Variants in NTSR2 observed in about 807,000 individuals in gnomAD.
NTSR2 encodes the protein neurotensin receptor type 2.
A neutral mutation model predicts 24.1 loss-of-function variants in NTSR2; 22 were observed. That is an observed-to-expected ratio of 0.91 (90% CI 0.65 to 1.30). The LOEUF (loss-of-function observed/expected upper bound fraction) is 1.30, where lower values mean the gene tolerates loss of function less well. Among genes scored for constraint, NTSR2 ranks in the 50% most tolerant of loss-of-function variants. NTSR2 has a pLI of 0.00. For missense variants in NTSR2, 570 were observed against 570.4 expected, an observed-to-expected ratio of 1.00 and a Z score of 0.01; for synonymous variants, 291 against 267.0, an observed-to-expected ratio of 1.09 and a Z score of -0.88.
intron 1 of NTSR2, 47 bp downstream of exon 1, chr2:11,669,459 C>CCGGCGG: frequency 3.0e-6 from 1 of 337,896 alleles, no homozygotes. Context: ...CTCCCAGCAC[C>CCGGCGG]GCCCCCCCAC....
chr2:11,662,098 A>C lies in NTSR2; in HGVS notation c.767T>G (p.Leu256Arg). Residue 256 changes from leucine (L) to arginine (R), a missense_variant, in exon 2 of 4, where the codon CTG becomes CGG. Transcript: ENST00000306928. ...GCTGAGGAGACCCTCCTCACTCAGC[A>C]GCTCCAGGCGGCTGGGGGTGGAGCT... ...PGSSTPSRLELLSEEGLLSFI... is the reference protein window; with the variant it reads ...PGSSTPSRLERLSEEGLLSFI... 1 of 1,613,452 alleles carries C rather than the reference A, an allele frequency of 6.2e-7. No homozygotes were observed. Among genetic ancestry groups the C allele is most frequent in the East Asian group, 2.2e-5 (1 of 44,856 alleles).
At chr2:11,663,791 T>C (rs1443973649) in intron 1 of NTSR2, among the ~76,000 whole-genome samples, 3 of 152,096 alleles carry the variant, frequency 2.0e-5, no homozygotes, top group African/African-American at 7.2e-5. Context: ...TATAAGACAG[T>C]GGATACAATT....
Position 11,669,734 on chromosome 2 carries a change from C to T in NTSR2, c.396G>A (p.Glu132=). Residue 132 remains glutamate, a synonymous_variant, in exon 1 of 4, where the codon GAG becomes GAA. Transcript: ENST00000306928. ...TVLSVAGLSA[E]RCLAVCQPLR... ...GGGGCTGGCACACGGCTAGGCAGCG[C>T]TCGGCGCTCAGGCCTGCCACGCTCA... 1 of 1,532,570 alleles carries T rather than the reference C, an allele frequency of 6.5e-7. No individual in the cohort carries two copies. The highest frequency in any genetic ancestry group is 8.7e-7 in the Non-Finnish European group (1 of 1,145,080). 94.9% of individuals were successfully genotyped at this position (1,532,570 alleles called of 1,614,324 possible).
At chr2:11,662,360 T>C in intron 1 of NTSR2, 120 bp from the exon 2 acceptor site, 2 of 998,534 alleles carry the variant, frequency 2.0e-6, no homozygotes, top group Non-Finnish European at 2.8e-6. Flanking sequence ...GGTTAGAAGA[T>C]AAGGTTGAGA....
At chr2:11,660,625 C>T (rs1449164606) in intron 2 of NTSR2, among the ~76,000 whole-genome samples, 1 of 152,132 alleles carries the variant, frequency 6.6e-6, no homozygotes, top group Non-Finnish European at 1.5e-5. Context: ...CCTGTAATCC[C>T]AGCTACCTGG....
chr2:11,668,958 G>A (rs868132253), intron 1 of NTSR2, among the ~76,000 whole-genome samples: 3 of 152,216 alleles, frequency 2.0e-5, no homozygotes, highest in African/African-American at 7.2e-5. Context: ...TGGGCATGGT[G>A]TGGGGTTCGG....
intron 1 of NTSR2, among the ~76,000 whole-genome samples, chr2:11,669,205 C>G (rs947477565): frequency 1.3e-5 from 2 of 152,154 alleles, no homozygotes; most frequent in African/African-American, 4.8e-5. Context: ...GTCATGGACT[C>G]CGGATTTTCA....
chr2:11,666,999 G>A (rs1485701519), intron 1 of NTSR2, among the ~76,000 whole-genome samples: 1 of 152,222 alleles, frequency 6.6e-6, no homozygotes, highest in Non-Finnish European at 1.5e-5. Context: ...AATATTCTGG[G>A]CAATTCCACA....
rs554839273 is a variant in NTSR2 at position 11,660,066 on chromosome 2, G to A, written c.966C>T (p.Tyr322=). Residue 322 remains tyrosine, a synonymous_variant, in exon 3 of 4, where the codon TAC becomes TAT. Transcript: ENST00000306928. ...PYHARRLMYC[Y]VPDDAWTDPL... The stretch of plus-strand genomic sequence containing the variant: ...ACTCAGTCCACGCGTCATCAGGTAC[G>A]TAGCAGTACATGAGCCTGCGGGCAT... 6.3e-5 allele frequency: 102 copies of A among 1,613,884 alleles called. No homozygotes were observed. In the South Asian group the frequency reaches 8.2e-4, roughly 13 times the overall value.
At chr2:11,668,474 C>T (rs956312959) in intron 1 of NTSR2, among the ~76,000 whole-genome samples, 13 of 152,154 alleles carry the variant, frequency 8.5e-5, no homozygotes, top group Admixed American at 1.3e-4. Flanking sequence ...TAGGACGAGT[C>T]CCCTAAGCAG....
intron 1 of NTSR2, among the ~76,000 whole-genome samples, chr2:11,664,856 T>G (rs1399942647): frequency 6.6e-6 from 1 of 152,106 alleles, no homozygotes; most frequent in Non-Finnish European, 1.5e-5. Flanking sequence ...TAATCCTAAT[T>G]TGAGTCTGGT....
At chr2:11,659,989 C>T (rs1365742715) in intron 3 of NTSR2, 54 bp downstream of exon 3, 2 of 1,487,966 alleles carry the variant, frequency 1.3e-6, no homozygotes, top group East Asian at 2.3e-5. Context: ...AGACCCCAGG[C>T]CTAGCCCAGT....
chr2:11,663,071 C>A (rs1027957853), intron 1 of NTSR2, among the ~76,000 whole-genome samples: 1 of 152,130 alleles, frequency 6.6e-6, no homozygotes, highest in African/African-American at 2.4e-5. Context: ...AAAATGGCTT[C>A]CATCTTAGAA....
chr2:11,659,263 A>G (rs914963681), intron 3 of NTSR2, among the ~76,000 whole-genome samples: 3 of 152,250 alleles, frequency 2.0e-5, no homozygotes, highest in African/African-American at 7.2e-5. Flanking sequence ...CCTCATGGTA[A>G]GGTGACACTG....
At chr2:11,660,948 C>G (rs1444522658) in intron 2 of NTSR2, among the ~76,000 whole-genome samples, 1 of 152,162 alleles carries the variant, frequency 6.6e-6, no homozygotes, top group Non-Finnish European at 1.5e-5. Context: ...CCTGCTCTCA[C>G]TGCTACCTCC....
chr2:11,662,293 C>A, intron 1 of NTSR2, 53 bp from the exon 2 acceptor site: 1 of 1,427,836 alleles, frequency 7.0e-7, no homozygotes, highest in Non-Finnish European at 9.2e-7. Context: ...CTGCGGCCCT[C>A]GCCATCTGGC....
chr2:11,662,127 C>CGGGGTAGAAGTGGACGGCACTTG lies in NTSR2; in HGVS notation c.715_737dup (p.Gly247LysfsTer19). The CGGGGTAGAAGTGGACGGCACTTG allele has an allele frequency of 6.2e-7, 1 of 1,612,026 alleles. No individual in the cohort carries two copies. The highest frequency in any genetic ancestry group is 8.5e-7 in the Non-Finnish European group (1 of 1,179,292). ...CCAGGCGGCTGGGGGTGGAGCTGCCCGGGGTAGAAGTGGACGGCACTTGGG... is the reference window on the plus strand; with the variant it reads ...CCAGGCGGCTGGGGGTGGAGCTGCCCGGGGTAGAAGTGGACGGCACTTGGGGGTAGAAGTGGACGGCACTTGGG... On this transcript the variant is annotated frameshift_variant, in exon 2 of 4. Coordinates refer to ENST00000306928, the MANE Select transcript of NTSR2 (RefSeq NM_012344.4). LOFTEE classifies it high-confidence loss of function.
Position 11,669,901 on chromosome 2 carries a change from G to T in NTSR2, c.229C>A (p.Leu77Ile). The T allele has an allele frequency of 6.4e-7, 1 of 1,568,370 alleles. No individual in the cohort carries two copies. ...RLRHHVLSLA[L>I]AGLLLLLVGV... ...ACCAGCAGCAGCAGCAGGCCCGCGA[G>T]CGCCAGGCTGAGCACGTGGTGGCGC... The change falls in exon 1 of 4, where the codon CTC (leucine) becomes ATC (isoleucine). Residue 77 changes from leucine to isoleucine, a missense_variant. Coordinates refer to ENST00000306928, the MANE Select transcript of NTSR2 (RefSeq NM_012344.4).
chr2:11,667,392 G>A (rs1396779284), intron 1 of NTSR2, among the ~76,000 whole-genome samples: 4 of 152,052 alleles, frequency 2.6e-5, no homozygotes, highest in African/African-American at 9.7e-5. Context: ...TGTCACCCCC[G>A]CTGGAGTGCA....
Sources: gnomAD v4.1 joint callset for allele counts (sites outside exome capture counted in the v4.1 genomes callset) on GRCh38, gnomAD v4.1.1 for gene constraint, MANE v1.5 for transcripts, NCBI Gene and HGNC (gene_info 2026-07-23, HGNC 2026-07-21) for gene names.